Variants in LRRC39 observed in about 807,000 individuals in gnomAD.
The protein encoded by LRRC39 is leucine-rich repeat-containing protein 39.
Under a neutral mutation model 39.7 loss-of-function variants are expected in LRRC39, and 35 were observed. That is an observed-to-expected ratio of 0.88 (90% CI 0.67 to 1.17). LRRC39 has a LOEUF of 1.17. LRRC39 is among the 50% of genes most tolerant of loss of function. The probability of loss-of-function intolerance (pLI) is 0.00; values close to 1 mark genes in which losing one functional copy is unlikely to be tolerated. For missense variants in LRRC39, 357 were observed against 385.8 expected (o/e 0.93, Z 0.62); for synonymous variants, 113 against 134.1 (o/e 0.84, Z 1.09).
intron 3 of LRRC39, 65 bp downstream of exon 3, chr1:100,168,339 C>CT (rs1399272367): frequency 4.9e-6 from 6 of 1,213,594 alleles, no homozygotes; most frequent in Non-Finnish European, 3.4e-6. Flanking sequence ...TTAGAATGCT[C>CT]TTTTTTATGG....
chr1:100,169,046 A>G (rs75905887), intron 2 of LRRC39, among the ~76,000 whole-genome samples: 1,596 of 152,202 alleles, frequency 0.01, 36 homozygotes, highest in African/African-American at 0.037. Flanking sequence ...TGTGTAAAAT[A>G]AATTGCAAAT....
At chr1:100,159,081 C>G (rs960867358) in intron 5 of LRRC39, among the ~76,000 whole-genome samples, 178 bp downstream of exon 5, 1 of 152,070 alleles carries the variant, frequency 6.6e-6, no homozygotes, top group Non-Finnish European at 1.5e-5. Context: ...CTTGAATCAC[C>G]TCAGTAAATC....
chr1:100,168,517 G>A lies in LRRC39; in HGVS notation c.-1C>T, dbSNP rs1475323871. On this transcript the variant is annotated 5_prime_UTR_variant, in exon 3 of 10. Transcript: ENST00000370137. Reference sequence around the variant, plus strand: ...CAGTACAAACCACATTTTCTGTCATGATTTCTCCACATTGTCATAGTCACC... The same window carrying A: ...CAGTACAAACCACATTTTCTGTCATAATTTCTCCACATTGTCATAGTCACC... The A allele has an allele frequency of 1.2e-6, 2 of 1,605,382 alleles. No individual in the cohort carries two copies. The highest frequency in any genetic ancestry group is 1.7e-6 in the Non-Finnish European group (2 of 1,176,350).
chr1:100,149,601 G>T, intron 9 of LRRC39: 1 of 552,484 alleles, frequency 1.8e-6, no homozygotes. Context: ...TATATATGTA[G>T]GCACAAACAA....
At chr1:100,152,555 T>C (rs1342620646) in intron 8 of LRRC39, 31 bp from the exon 9 acceptor site, 1 of 1,608,504 alleles carries the variant, frequency 6.2e-7, no homozygotes, top group Non-Finnish European at 8.5e-7. Context: ...AGTATTTTTA[T>C]AGGTGTCATG....
chr1:100,162,303 AT>A (rs772295619), intron 3 of LRRC39, among the ~76,000 whole-genome samples: 47 of 152,158 alleles, frequency 3.1e-4, no homozygotes, highest in Non-Finnish European at 5.7e-4. Context: ...ATTCCTGTTG[AT>A]TTTTGATCTA....
intron 3 of LRRC39, among the ~76,000 whole-genome samples, chr1:100,165,191 T>A (rs1001769822): frequency 6.6e-6 from 1 of 152,164 alleles, no homozygotes; most frequent in Admixed American, 6.5e-5. Context: ...TTACACAAAT[T>A]CCATGTAATG....
At chr1:100,149,655 T>C in intron 9 of LRRC39, 1 of 370,988 alleles carries the variant, frequency 2.7e-6, no homozygotes, top group Admixed American at 4.9e-5. Context: ...TGGAATAAAA[T>C]AGAAATTAGA....
chr1:100,169,706 A>C (rs1343458557), intron 2 of LRRC39, among the ~76,000 whole-genome samples: 1 of 152,092 alleles, frequency 6.6e-6, no homozygotes. Context: ...GAATGTGAAT[A>C]TTTGGGTCCC....
chr1:100,166,195 A>C (rs1659234412), intron 3 of LRRC39, among the ~76,000 whole-genome samples: 2 of 152,164 alleles, frequency 1.3e-5, no homozygotes, highest in Admixed American at 1.3e-4. Context: ...TAAATTACCC[A>C]GTCTCAGGTA....
chr1:100,159,308 A>G lies in LRRC39; in HGVS notation c.327T>C (p.Ile109=), dbSNP rs1326277219. 2.5e-6 allele frequency: 4 copies of G among 1,611,068 alleles called. No homozygotes were observed. Among genetic ancestry groups the G allele is most frequent in the Non-Finnish European group, 2.5e-6 (3 of 1,178,580 alleles). The change falls in exon 5 of 10, where the codon ATT becomes ATC. Residue 109 remains isoleucine (I), a synonymous_variant. Coordinates refer to ENST00000370137, the MANE Select transcript of LRRC39 (RefSeq NM_144620.4). Reference sequence around the variant, plus strand: ...TTGTGTTTCGAGATAAATCTAACACAATGAGGTTCTGGAATCTTCCAATGA... The same window carrying G: ...TTGTGTTTCGAGATAAATCTAACACGATGAGGTTCTGGAATCTTCCAATGA... ...PEFIGRFQNL[I]VLDLSRNTIS... is the part of the protein sequence containing the mutation.
At chr1:100,161,382 G>A (rs757659305) in intron 3 of LRRC39, among the ~76,000 whole-genome samples, 10 of 151,972 alleles carry the variant, frequency 6.6e-5, no homozygotes, top group Admixed American at 3.9e-4. Flanking sequence ...ATTTCACTTA[G>A]CATCGTTTTT....
intron 5 of LRRC39, among the ~76,000 whole-genome samples, chr1:100,158,945 A>G (rs1309252118): frequency 6.6e-6 from 1 of 151,766 alleles, no homozygotes; most frequent in Non-Finnish European, 1.5e-5. Context: ...CCATTTGAAG[A>G]ATCTTCTTGT....
At chr1:100,167,450 C>T (rs1007176444) in intron 3 of LRRC39, among the ~76,000 whole-genome samples, 5 of 152,120 alleles carry the variant, frequency 3.3e-5, no homozygotes, top group African/African-American at 7.2e-5. Context: ...TAACTGACAT[C>T]GGCAAATAAC....
chr1:100,168,994 A>G (rs557394838), intron 2 of LRRC39, among the ~76,000 whole-genome samples: 2 of 152,204 alleles, frequency 1.3e-5, no homozygotes, highest in African/African-American at 4.8e-5. Context: ...ATGCACAAGT[A>G]GAAATTCAGT....
At chr1:100,168,715 A>T (rs1385164811) in intron 2 of LRRC39, 121 bp from the exon 3 acceptor site, 1 of 463,488 alleles carries the variant, frequency 2.2e-6, no homozygotes, top group African/African-American at 2.1e-5. Context: ...TATACTTTAC[A>T]TGCCATATCA....
intron 9 of LRRC39, 134 bp downstream of exon 9, chr1:100,152,249 AAG>A (rs1452550630): frequency 2.2e-6 from 2 of 914,778 alleles, no homozygotes; most frequent in East Asian, 2.6e-5. Context: ...AATATTGACT[AAG>A]AGAACAGAAT....
intron 2 of LRRC39, among the ~76,000 whole-genome samples, chr1:100,169,420 T>C (rs1407096426): frequency 6.6e-6 from 1 of 152,086 alleles, no homozygotes; most frequent in African/African-American, 2.4e-5. Context: ...GTGGTATTAT[T>C]ATATTCTGTA....
intron 6 of LRRC39, among the ~76,000 whole-genome samples, 199 bp downstream of exon 6, chr1:100,158,032 T>C (rs541345476): frequency 3.0e-4 from 46 of 152,396 alleles, no homozygotes; most frequent in African/African-American, 1.0e-3. Context: ...AGTACTGTGA[T>C]AATAATAGAA....
Sources: gnomAD v4.1 joint callset for allele counts (sites outside exome capture counted in the v4.1 genomes callset) on GRCh38, gnomAD v4.1.1 for gene constraint, MANE v1.5 for transcripts, NCBI Gene and HGNC (gene_info 2026-07-23, HGNC 2026-07-21) for gene names.